Variants in LMX1B observed in about 807,000 individuals in gnomAD.
LMX1B encodes the protein LIM homeobox transcription factor 1-beta.
A neutral mutation model predicts 51.4 loss-of-function variants in LMX1B; 12 were observed. That is an observed-to-expected ratio of 0.23 (90% CI 0.15 to 0.38). The LOEUF is 0.38. Among genes scored for constraint, LMX1B ranks in the 10% least tolerant of loss-of-function variants. The probability of loss-of-function intolerance (pLI) is 1.00; values close to 1 mark genes in which losing one functional copy is unlikely to be tolerated. For synonymous variants in LMX1B, 237 were observed against 235.4 expected, an observed-to-expected ratio of 1.01 and a Z score of -0.06; for missense variants, 445 against 571.1, an observed-to-expected ratio of 0.78 and a Z score of 2.25.
chr9:126,619,305 C>G (rs548362006), intron 2 of LMX1B, among the ~76,000 whole-genome samples: 7 of 152,202 alleles, frequency 4.6e-5, no homozygotes, highest in Non-Finnish European at 1.0e-4. Context: ...CCATCCAGCT[C>G]CCGCGTTCGG....
intron 2 of LMX1B, among the ~76,000 whole-genome samples, chr9:126,662,990 T>C (rs979268028): frequency 3.3e-5 from 5 of 152,186 alleles, no homozygotes; most frequent in Non-Finnish European, 7.3e-5. Flanking sequence ...TTGGCAGTGG[T>C]GGCTCACTTG....
chr9:126,636,524 G>A (rs1207253541), intron 2 of LMX1B, among the ~76,000 whole-genome samples: 1 of 152,132 alleles, frequency 6.6e-6, no homozygotes, highest in Non-Finnish European at 1.5e-5. Flanking sequence ...GGGGTGTCAT[G>A]TCAGATTTGA....
At chr9:126,684,960 G>A (rs1266592331) in intron 2 of LMX1B, among the ~76,000 whole-genome samples, 2 of 152,162 alleles carry the variant, frequency 1.3e-5, no homozygotes, top group Non-Finnish European at 2.9e-5. Context: ...AGAATACCTG[G>A]TGTTTTTTTG....
chr9:126,688,429 C>T (rs1347999724), intron 2 of LMX1B, among the ~76,000 whole-genome samples: 1 of 152,216 alleles, frequency 6.6e-6, no homozygotes, highest in African/African-American at 2.4e-5. Flanking sequence ...AGCAGCGACA[C>T]GGCCAGTGTC....
chr9:126,669,764 T>TG (rs148157023), intron 2 of LMX1B, among the ~76,000 whole-genome samples: 2,193 of 152,230 alleles, frequency 0.014, 22 homozygotes, highest in Middle Eastern at 0.048. Context: ...GGATGAGGGC[T>TG]TGGGTCAGTT....
rs764367033 is a variant in LMX1B at position 126,658,391 on chromosome 9, G to A, written c.327-32445G>A. On this transcript the variant is annotated intron_variant, in intron 2 of 7. Coordinates refer to ENST00000373474, the MANE Select transcript of LMX1B (RefSeq NM_001174147.2). The surrounding 1 kb of genome is among the most constrained non-coding windows in gnomAD (Gnocchi z 4.0). ...TCGGCTGGCCCTCCCCCTGGCTGCC[G>A]GGCCCGGGCACCCCTGCTGCTGACC... Among the ~76,000 whole-genome samples, 20 of 148,770 alleles carry A rather than the reference G, an allele frequency of 1.3e-4. No homozygotes were observed. The highest frequency in any genetic ancestry group is 2.5e-4 in the Non-Finnish European group (17 of 67,356).
chr9:126,693,131 G>C lies in LMX1B; in HGVS notation c.560-11G>C. 1.9e-6 allele frequency: 3 copies of C among 1,560,762 alleles called. No homozygotes were observed. Among genetic ancestry groups the C allele is most frequent in the Non-Finnish European group, 2.6e-6 (3 of 1,152,694 alleles). Reference sequence around the variant, plus strand: ...GCCCCTTCATCACAGGCCGGGTTGTGTCCCCCACAGTGAAGAGCGAGGATG... The same window carrying C: ...GCCCCTTCATCACAGGCCGGGTTGTCTCCCCCACAGTGAAGAGCGAGGATG... On this transcript the variant is annotated splice_polypyrimidine_tract_variant and intron_variant, in intron 3 of 7. Coordinates refer to ENST00000373474, the MANE Select transcript of LMX1B (RefSeq NM_001174147.2).
In LMX1B at chr9:126,697,444, C is replaced by G. The variant is rs1036524618; in HGVS notation, c.*993C>G. ...ATCTGCAATGTGGTCCTCTCCCCAG[C>G]CACCTCTGCCTCCCCTCACATACCT... On this transcript the variant is annotated 3_prime_UTR_variant, in exon 8 of 8. Transcript: ENST00000373474. The G allele has an allele frequency of 5.2e-5, 8 of 152,672 alleles. No individual in the cohort carries two copies. Among genetic ancestry groups the G allele is most frequent in the Non-Finnish European group, 1.0e-4 (7 of 68,374 alleles). The allele number at this position is 152,672 out of a possible 1,614,324, so 9.5% of individuals were successfully genotyped here. A position where few individuals can be genotyped will look rare whatever the true frequency, so the allele number is the denominator to read the frequency against.
At chr9:126,689,190 CAG>C (rs2030020769) in intron 2 of LMX1B, among the ~76,000 whole-genome samples, 2 of 152,172 alleles carry the variant, frequency 1.3e-5, no homozygotes. Flanking sequence ...AGGTGGGTGG[CAG>C]GGGTTGCTGG....
At chr9:126,642,027 C>T (rs779100908) in intron 2 of LMX1B, among the ~76,000 whole-genome samples, 1 of 152,184 alleles carries the variant, frequency 6.6e-6, no homozygotes, top group Non-Finnish European at 1.5e-5. Flanking sequence ...ACAACCCCTT[C>T]GAAGCCCCCA....
Position 126,695,887 on chromosome 9 carries a change from T to A in LMX1B, c.935T>A (p.Leu312Gln). ...GGCATGATGGCTTCCTACACGCCGC[T>A]GGCCCCACCACAGCAGCAGATCGTG... ...MEGMMASYTP[L>Q]APPQQQIVAM... Residue 312 changes from leucine to glutamine, a missense_variant, in exon 7 of 8, where the codon CTG becomes CAG. Coordinates refer to ENST00000373474, the MANE Select transcript of LMX1B (RefSeq NM_001174147.2). This position sits in a 1 kb window ranked among gnomAD's most constrained non-coding sequence, Gnocchi z 5.2. 6.2e-7 allele frequency: 1 copy of A among 1,613,266 alleles called. No individual in the cohort carries two copies. The highest frequency in any genetic ancestry group is 1.1e-5 in the South Asian group (1 of 91,060).
In LMX1B at chr9:126,697,122, G is replaced by C. The variant is rs1241481398; in HGVS notation, c.*671G>C. The stretch of plus-strand genomic sequence containing the variant: ...TGTATGGGGACACCAGAAGGGACAG[G>C]GATGCTCAGCGGGTCTGTCCTGCCT... On this transcript the variant is annotated 3_prime_UTR_variant, in exon 8 of 8. Coordinates refer to ENST00000373474, the MANE Select transcript of LMX1B (RefSeq NM_001174147.2). 1 of 154,000 alleles carries C rather than the reference G, an allele frequency of 6.5e-6. No homozygotes were observed. Among genetic ancestry groups the C allele is most frequent in the African/African-American group, 2.4e-5 (1 of 41,464 alleles). The allele number at this position is 154,000 out of a possible 1,614,324, so 9.5% of individuals were successfully genotyped here.
At chr9:126,640,351 C>T (rs930350617) in intron 2 of LMX1B, among the ~76,000 whole-genome samples, 2 of 152,168 alleles carry the variant, frequency 1.3e-5, no homozygotes, top group Non-Finnish European at 2.9e-5. Flanking sequence ...TGGGACCCCT[C>T]CAAGTGGCTT....
rs550063902 is a variant in LMX1B at position 126,621,288 on chromosome 9, T to A, written c.326+5719T>A. On this transcript the variant is annotated intron_variant, in intron 2 of 7. Transcript: ENST00000373474. ...CAAGGAGCCGCGTGTGAGCTGTCAGTCAGTTGGGGGTGCCCGAGGACCCAG... is the reference window on the plus strand; with the variant it reads ...CAAGGAGCCGCGTGTGAGCTGTCAGACAGTTGGGGGTGCCCGAGGACCCAG... Among the ~76,000 whole-genome samples, 11 of 152,308 alleles carry A rather than the reference T, an allele frequency of 7.2e-5. No homozygotes were observed. In the South Asian group the frequency reaches 2.1e-3, roughly 29 times the overall value.
At chr9:126,638,016 G>A (rs949806693) in intron 2 of LMX1B, among the ~76,000 whole-genome samples, 2 of 151,132 alleles carry the variant, frequency 1.3e-5, no homozygotes, top group South Asian at 2.1e-4. Context: ...AGCCCTGCCC[G>A]GGGACCTGCT....
intron 2 of LMX1B, among the ~76,000 whole-genome samples, chr9:126,634,057 A>C (rs1201050187): frequency 3.9e-5 from 6 of 152,076 alleles, no homozygotes; most frequent in African/African-American, 1.4e-4. Context: ...GGAAGGCAGG[A>C]GGGAGGGAAG....
intron 2 of LMX1B, among the ~76,000 whole-genome samples, chr9:126,640,328 G>C (rs772795725): frequency 7.9e-5 from 12 of 152,242 alleles, no homozygotes; most frequent in Non-Finnish European, 1.5e-4. Flanking sequence ...TCTGCACCCT[G>C]TAGGCCTTGG....
intron 2 of LMX1B, among the ~76,000 whole-genome samples, chr9:126,661,238 C>T (rs546905676): frequency 8.0e-6 from 1 of 124,372 alleles, no homozygotes; most frequent in Admixed American, 8.9e-5. Flanking sequence ...CGTGGACGCC[C>T]CACGCAGGGC....
chr9:126,622,719 T>C (rs1835440552), intron 2 of LMX1B, among the ~76,000 whole-genome samples: 1 of 152,216 alleles, frequency 6.6e-6, no homozygotes, highest in Non-Finnish European at 1.5e-5. Context: ...TGCCCAGGCC[T>C]TTGGGGTTCC....
Sources: gnomAD v4.1 joint callset for allele counts (sites outside exome capture counted in the v4.1 genomes callset) on GRCh38, gnomAD v4.1.1 for gene constraint, Gnocchi (gnomAD v3.1) non-coding constraint, MANE v1.5 for transcripts, NCBI Gene and HGNC (gene_info 2026-07-23, HGNC 2026-07-21) for gene names.